The following HSPA12A variants were observed in gnomAD, a reference collection of about 807,000 sequenced individuals.
The protein encoded by HSPA12A is heat shock 70 kDa protein 12A.
HSPA12A carries 28 observed loss-of-function variants against 69.2 expected under a neutral mutation model. The observed-to-expected ratio is 0.40, with a 90% CI of 0.30 to 0.55. HSPA12A has a LOEUF of 0.55. Among genes scored for constraint, HSPA12A ranks in the 20% least tolerant of loss-of-function variants. The pLI is 0.38. For missense variants in HSPA12A, 686 were observed against 900.7 expected (o/e 0.76, Z 3.05); for synonymous variants, 345 against 370.5 (o/e 0.93, Z 0.79).
Position 116,675,494 on chromosome 10 carries a change from T to A in HSPA12A, c.1391-76A>T. On this transcript the variant is annotated intron_variant, in intron 11 of 11. Coordinates refer to ENST00000369209, the MANE Select transcript of HSPA12A (RefSeq NM_025015.3). This position sits in a 1 kb window ranked among gnomAD's most constrained non-coding sequence, Gnocchi z 5.2. ...AAGGGGGAACTGGGCTGCCTGCATC[T>A]GTGGGGAACGGATAAAGCCACTTGG... 1 of 1,448,926 alleles carries A rather than the reference T, an allele frequency of 6.9e-7. No homozygotes were observed. Among genetic ancestry groups the A allele is most frequent in the Non-Finnish European group, 9.2e-7 (1 of 1,090,930 alleles). The allele number at this position is 1,448,926 out of a possible 1,614,324, so 89.8% of individuals were successfully genotyped here. A position where few individuals can be genotyped will look rare whatever the true frequency, so the allele number is the denominator to read the frequency against.
rs1363510840 is a variant in HSPA12A at position 116,673,617 on chromosome 10, C to T, written c.*1164G>A. On this transcript the variant is annotated 3_prime_UTR_variant, in exon 12 of 12. Coordinates refer to ENST00000369209, the MANE Select transcript of HSPA12A (RefSeq NM_025015.3). Reference sequence around the variant, plus strand: ...TCCAGGAACCTGTTCTGAACACGCACCCAGGCAATTCTGATGCAGGCGAGC... The same window carrying T: ...TCCAGGAACCTGTTCTGAACACGCATCCAGGCAATTCTGATGCAGGCGAGC... The T allele has an allele frequency of 6.6e-6, 1 of 152,146 alleles. No individual in the cohort carries two copies. The highest frequency in any genetic ancestry group is 6.5e-5 in the Admixed American group (1 of 15,290). 9.4% of individuals were successfully genotyped at this position (152,146 alleles called of 1,614,324 possible). A position where few individuals can be genotyped will look rare whatever the true frequency, so the allele number is the denominator to read the frequency against.
chr10:116,726,718 G>A (rs1850975464), intron 1 of HSPA12A, among the ~76,000 whole-genome samples: 1 of 152,146 alleles, frequency 6.6e-6, no homozygotes, highest in Non-Finnish European at 1.5e-5. Context: ...CCGATGAACG[G>A]CATGGCCCTA....
intron 2 of HSPA12A, among the ~76,000 whole-genome samples, chr10:116,761,785 A>G (rs1262719504): frequency 6.6e-6 from 1 of 152,098 alleles, no homozygotes; most frequent in Non-Finnish European, 1.5e-5. Context: ...TCACAAACCT[A>G]GAGAGGAGAG....
At chr10:116,709,540 A>G (rs782100011) in intron 1 of HSPA12A, among the ~76,000 whole-genome samples, 1 of 152,192 alleles carries the variant, frequency 6.6e-6, no homozygotes, top group African/African-American at 2.4e-5. Context: ...GAACATTCTT[A>G]TACATGCTAT....
At chr10:116,790,772 C>G (rs1272262567) in intron 2 of HSPA12A, among the ~76,000 whole-genome samples, 1 of 152,086 alleles carries the variant, frequency 6.6e-6, no homozygotes, top group Admixed American at 6.6e-5. Context: ...CTCACTGCAA[C>G]CTTTGCCTCC....
intron 2 of HSPA12A, among the ~76,000 whole-genome samples, chr10:116,809,626 G>A (rs752533342): frequency 1.2e-4 from 19 of 152,176 alleles, no homozygotes; most frequent in Non-Finnish European, 2.4e-4. Flanking sequence ...CAGCGACGCC[G>A]GGGACTGTCT....
chr10:116,705,171 C>T lies in HSPA12A; in HGVS notation c.234G>A (p.Pro78=), dbSNP rs199810572. The change falls in exon 3 of 12, where the codon CCG becomes CCA. Residue 78 remains proline (P), a synonymous_variant. Coordinates refer to ENST00000369209, the MANE Select transcript of HSPA12A (RefSeq NM_025015.3). ...SGYAYSFTKE[P]ECIHVMRRWE... ...CTCACCTCATCACATGGATGCATTC[C>T]GGCTCCTTGGTGAAGCTGTAGGCAT... 48 of 1,614,058 alleles carry T rather than the reference C, an allele frequency of 3.0e-5. 1 individual carries two copies. Among genetic ancestry groups the T allele is most frequent in the South Asian group, 3.0e-4 (27 of 91,084 alleles).
chr10:116,698,574 G>A (rs1398903095), intron 5 of HSPA12A, 61 bp downstream of exon 5: 7 of 1,345,388 alleles, frequency 5.2e-6, no homozygotes, highest in Middle Eastern at 2.4e-4. Flanking sequence ...CCCGAGACAC[G>A]GAGCTGGCAC....
At chr10:116,745,293 C>A (rs992172020), upstream of HSPA12A, among the ~76,000 whole-genome samples, 1 of 152,212 alleles carries the variant, frequency 6.6e-6, no homozygotes, top group Admixed American at 6.5e-5. Flanking sequence ...CAGCCCAGCA[C>A]ACAGACATTC....
intron 1 of HSPA12A, among the ~76,000 whole-genome samples, chr10:116,722,301 C>T (rs893871276): frequency 7.2e-5 from 11 of 152,186 alleles, no homozygotes; most frequent in African/African-American, 1.4e-4. Flanking sequence ...TCTGTGCCCA[C>T]GGTGCTGACT....
intron 1 of HSPA12A, among the ~76,000 whole-genome samples, chr10:116,845,658 G>A (rs913224342): frequency 6.6e-6 from 1 of 152,046 alleles, no homozygotes; most frequent in East Asian, 1.9e-4. Flanking sequence ...CTAAGTTTAA[G>A]GTTAGCAATA....
intron 1 of HSPA12A, chr10:116,849,512 A>G (rs1845987116): frequency 6.9e-7 from 1 of 1,452,256 alleles, no homozygotes; most frequent in African/African-American, 1.4e-5. Flanking sequence ...TAGCGACAGC[A>G]GGGACGCTCG....
intron 1 of HSPA12A, among the ~76,000 whole-genome samples, chr10:116,719,434 C>G (rs1850708013): frequency 1.3e-5 from 2 of 152,238 alleles, no homozygotes; most frequent in South Asian, 4.1e-4. Context: ...CTCCCTCCGT[C>G]CTTGAGGGGG....
upstream of HSPA12A, among the ~76,000 whole-genome samples, chr10:116,745,361 G>C (rs1554887738): frequency 5.9e-5 from 9 of 152,180 alleles, no homozygotes. Flanking sequence ...GGCACGCCCA[G>C]ACTCCTGGGA....
At chr10:116,771,396 G>A (rs960783814) in intron 2 of HSPA12A, among the ~76,000 whole-genome samples, 16 of 152,234 alleles carry the variant, frequency 1.1e-4, no homozygotes, top group African/African-American at 4.8e-5. Flanking sequence ...ACCTAGGGGT[G>A]AGCCCACCAG....
At chr10:116,775,429 G>A (rs966412498) in intron 2 of HSPA12A, among the ~76,000 whole-genome samples, 65 of 152,208 alleles carry the variant, frequency 4.3e-4, no homozygotes, top group Admixed American at 3.1e-3. Flanking sequence ...CCAGTGGGCA[G>A]CCTGGGAAGG....
intron 2 of HSPA12A, among the ~76,000 whole-genome samples, chr10:116,822,296 G>A (rs540344885): frequency 3.8e-4 from 58 of 152,226 alleles, no homozygotes; most frequent in East Asian, 1.7e-3. Flanking sequence ...CCTTCCCTTC[G>A]GTGATCCTCA....
In HSPA12A at chr10:116,702,193, A is replaced by C. The variant is rs144975841; in HGVS notation, c.255-1064T>G. 5.9e-5 allele frequency among the ~76,000 whole-genome samples: 9 copies of C among 152,158 alleles called. No individual in the cohort carries two copies. In the East Asian group the frequency reaches 1.4e-3, roughly 23 times the overall value. On this transcript the variant is annotated intron_variant, in intron 3 of 11. Coordinates refer to ENST00000369209, the MANE Select transcript of HSPA12A (RefSeq NM_025015.3). ...GGGGGAAGGGGAAGACAGGAAACTCAATGTATTCGCTCACCTTTGGGGCCA... is the reference window on the plus strand; with the variant it reads ...GGGGGAAGGGGAAGACAGGAAACTCCATGTATTCGCTCACCTTTGGGGCCA...
intron 1 of HSPA12A, among the ~76,000 whole-genome samples, chr10:116,721,015 G>A (rs1411526357): frequency 6.6e-6 from 1 of 152,134 alleles, no homozygotes; most frequent in Admixed American, 6.5e-5. Flanking sequence ...CAGAAGAGAG[G>A]AGACAAAGTC....
Sources: gnomAD v4.1 joint callset for allele counts (sites outside exome capture counted in the v4.1 genomes callset) on GRCh38, gnomAD v4.1.1 for gene constraint, Gnocchi (gnomAD v3.1) non-coding constraint, MANE v1.5 for transcripts, NCBI Gene and HGNC (gene_info 2026-07-23, HGNC 2026-07-21) for gene names.